The following ERCC6L2 variants were observed in gnomAD, a reference collection of about 807,000 sequenced individuals.
ERCC6L2 encodes the protein DNA excision repair protein ERCC-6-like 2.
ERCC6L2 carries 77 observed loss-of-function variants against 132.0 expected under a neutral mutation model. That is an observed-to-expected ratio of 0.58 (90% CI 0.49 to 0.71). The LOEUF is 0.71. ERCC6L2 is among the 30% of genes least tolerant of loss of function. ERCC6L2 has a pLI of 0.00. For missense variants in ERCC6L2, 1,542 were observed against 1,837.6 expected, an observed-to-expected ratio of 0.84 and a Z score of 2.94; for synonymous variants, 583 against 632.4, an observed-to-expected ratio of 0.92 and a Z score of 1.17.
At chr9:95,879,225 T>C (rs997511031) in intron 1 of ERCC6L2, among the ~76,000 whole-genome samples, 31 of 152,214 alleles carry the variant, frequency 2.0e-4, no homozygotes, top group African/African-American at 6.3e-4. Flanking sequence ...TATCTCATTG[T>C]GGCTTTGATT....
Position 95,921,268 on chromosome 9 carries a change from C to G in ERCC6L2, c.1252C>G (p.Pro418Ala). 1 of 1,613,518 alleles carries G rather than the reference C, an allele frequency of 6.2e-7. No homozygotes were observed. Among genetic ancestry groups the G allele is most frequent in the African/African-American group, 1.3e-5 (1 of 74,984 alleles). ...DVTLILQSSEPCTCRSGQKRR... is the reference protein window; with the variant it reads ...DVTLILQSSEACTCRSGQKRR... Reference sequence around the variant, plus strand: ...GACTTTGATACTTCAATCTTCTGAGCCTTGTACCTGTAGGAGTGGCCAAAA... The same window carrying G: ...GACTTTGATACTTCAATCTTCTGAGGCTTGTACCTGTAGGAGTGGCCAAAA... The change falls in exon 7 of 19, where the codon CCT becomes GCT. Residue 418 changes from proline to alanine, a missense_variant. This residue lies in a region of ERCC6L2 where 945 missense variants were observed against 1,105.2 expected (regional missense o/e 0.86). Transcript: ENST00000653738.
At chr9:95,899,510 G>A (rs776290905) in intron 3 of ERCC6L2, among the ~76,000 whole-genome samples, 1 of 151,902 alleles carries the variant, frequency 6.6e-6, no homozygotes, top group Non-Finnish European at 1.5e-5. Context: ...TTGATAATGT[G>A]GTAAAATATG....
chr9:95,931,734 T>A (rs930979881), intron 11 of ERCC6L2, among the ~76,000 whole-genome samples: 2 of 152,104 alleles, frequency 1.3e-5, no homozygotes, highest in Non-Finnish European at 2.9e-5. Flanking sequence ...CGTAAGAGTT[T>A]TTCTTCATCT....
At chr9:96,037,925 A>T (rs750410645) in intron 19 of ERCC6L2, among the ~76,000 whole-genome samples, 2 of 151,878 alleles carry the variant, frequency 1.3e-5, no homozygotes, top group African/African-American at 4.8e-5. Flanking sequence ...TCTAGTATCT[A>T]TGGATTTGGC....
intron 20 of ERCC6L2, among the ~76,000 whole-genome samples, chr9:96,039,894 C>T (rs191633051): frequency 6.6e-6 from 1 of 152,190 alleles, no homozygotes; most frequent in East Asian, 1.9e-4. Context: ...GTCGAATCTA[C>T]TATCTGCAGG....
intron 17 of ERCC6L2, among the ~76,000 whole-genome samples, chr9:95,993,068 A>G (rs764589957): frequency 2.6e-5 from 4 of 152,204 alleles, no homozygotes; most frequent in African/African-American, 7.2e-5. Context: ...TGGAGATCCT[A>G]TAAAGACTAG....
At chr9:95,974,998 T>C (rs1832602072) in intron 16 of ERCC6L2, among the ~76,000 whole-genome samples, 1 of 152,148 alleles carries the variant, frequency 6.6e-6, no homozygotes, top group South Asian at 2.1e-4. Flanking sequence ...CCATGTTTGC[T>C]CATTTGCTTT....
intron 2 of ERCC6L2, among the ~76,000 whole-genome samples, chr9:95,897,131 C>G (rs1828508295): frequency 2.6e-5 from 4 of 152,050 alleles, no homozygotes; most frequent in Admixed American, 2.0e-4. Context: ...TACCTTTCTT[C>G]CCAATCTTTA....
At chr9:95,986,861 G>T (rs1199134211) in intron 17 of ERCC6L2, among the ~76,000 whole-genome samples, 1 of 152,108 alleles carries the variant, frequency 6.6e-6, no homozygotes, top group Non-Finnish European at 1.5e-5. Context: ...ACACACCAGA[G>T]ACTGGGTAAT....
At chr9:95,905,955 T>C (rs1261348965) in intron 3 of ERCC6L2, among the ~76,000 whole-genome samples, 12 of 152,174 alleles carry the variant, frequency 7.9e-5, no homozygotes, top group Non-Finnish European at 1.8e-4. Flanking sequence ...GGTAACCCTA[T>C]TAAACTTAAC....
chr9:95,969,654 G>A (rs1200129857), intron 14 of ERCC6L2, among the ~76,000 whole-genome samples: 2 of 152,146 alleles, frequency 1.3e-5, no homozygotes, highest in African/African-American at 4.8e-5. Flanking sequence ...CTGTTACAGA[G>A]ATAAATGGTA....
rs1336842896 is a variant in ERCC6L2, at chr9:95,922,337, G to GT, written c.1333dup (p.Tyr445LeufsTer13). On this transcript the variant is annotated frameshift_variant, in exon 8 of 19. Transcript: ENST00000653738. LOFTEE classifies it high-confidence loss of function. ...CTCATGGTGAAACAGTGAAAACCTT[G>GT]TATCTCAGTTACCTTACAGTCCTTC... 3 of 1,612,656 alleles carry GT rather than the reference G, an allele frequency of 1.9e-6. No individual in the cohort carries two copies. The highest frequency in any genetic ancestry group is 1.3e-5 in the African/African-American group (1 of 75,002).
At position 95,956,118 on chromosome 9, in the gene ERCC6L2, C is replaced by T. The variant is rs563128085; in HGVS notation, c.1947+105C>T. Reference sequence around the variant, plus strand: ...GTAAGTTTTAAATCTTACTGTATTGCGGAATTTAATAAGATTATAAAAATT... The same window carrying T: ...GTAAGTTTTAAATCTTACTGTATTGTGGAATTTAATAAGATTATAAAAATT... On this transcript the variant is annotated intron_variant, in intron 13 of 18. Transcript: ENST00000653738. 56 of 510,736 alleles carry T rather than the reference C, an allele frequency of 1.1e-4. No homozygotes were observed. The Middle Eastern group carries it at 2.7e-3, about 24-fold the overall frequency. 31.6% of individuals were successfully genotyped at this position (510,736 alleles called of 1,614,324 possible). A position where few individuals can be genotyped will look rare whatever the true frequency, so the allele number is the denominator to read the frequency against.
chr9:95,974,659 C>T (rs541995538), intron 16 of ERCC6L2, among the ~76,000 whole-genome samples: 4 of 151,912 alleles, frequency 2.6e-5, no homozygotes, highest in Admixed American at 2.6e-4. Flanking sequence ...CAGTCTGGTG[C>T]TAGTAATGAA....
chr9:95,919,963 C>G (rs1354155544), intron 6 of ERCC6L2, among the ~76,000 whole-genome samples: 1 of 152,160 alleles, frequency 6.6e-6, no homozygotes, highest in Non-Finnish European at 1.5e-5. Context: ...AAAGCAGTGC[C>G]AGAAAACAAA....
At position 96,009,985 on chromosome 9, in the gene ERCC6L2, A is replaced by G. The variant is rs528468640; in HGVS notation, c.3675-2240A>G. ...AAGACATCAGCTTGTAACCTTGCCA[A>G]TCACTTAATCTTTACAAACACAAAT... is the stretch of plus-strand genomic sequence containing the variant. On this transcript the variant is annotated intron_variant, in intron 18 of 18. Transcript: ENST00000653738. 2.0e-5 allele frequency among the ~76,000 whole-genome samples: 3 copies of G among 152,348 alleles called. No homozygotes were observed. The South Asian group carries it at 6.2e-4, about 32-fold the overall frequency.
At chr9:95,940,627 C>A (rs1830754554) in intron 11 of ERCC6L2, among the ~76,000 whole-genome samples, 1 of 151,872 alleles carries the variant, frequency 6.6e-6, no homozygotes. Flanking sequence ...TCAGTATATA[C>A]CAGTATAATT....
chr9:95,992,914 A>C (rs761077738), intron 17 of ERCC6L2, among the ~76,000 whole-genome samples: 69 of 152,326 alleles, frequency 4.5e-4, no homozygotes, highest in South Asian at 2.5e-3. Context: ...ATATGAGGTC[A>C]CATATAACAA....
At chr9:95,932,765 G>A (rs1830395038) in intron 11 of ERCC6L2, among the ~76,000 whole-genome samples, 1 of 152,120 alleles carries the variant, frequency 6.6e-6, no homozygotes, top group African/African-American at 2.4e-5. Context: ...TGTACTTTCT[G>A]ATATACTTAT....
Sources: allele counts gnomAD v4.1 joint callset (sites outside exome capture counted in the v4.1 genomes callset), GRCh38; gene constraint gnomAD v4.1.1; regional missense constraint gnomAD v4.1.1; transcripts MANE v1.5; gene names NCBI Gene and HGNC (gene_info 2026-07-23, HGNC 2026-07-21).